Variants in OSBPL1A observed in about 807,000 individuals in gnomAD.
The protein encoded by OSBPL1A is oxysterol-binding protein-related protein 1.
Under a neutral mutation model 137.1 loss-of-function variants are expected in OSBPL1A, and 80 were observed. That is an observed-to-expected ratio of 0.58 (90% confidence interval 0.49 to 0.70). OSBPL1A has a LOEUF of 0.70. Among genes scored for constraint, OSBPL1A ranks in the 30% least tolerant of loss-of-function variants. OSBPL1A has a pLI of 0.00. For synonymous variants in OSBPL1A, 365 were observed against 389.7 expected (o/e 0.94, Z 0.75); for missense variants, 970 against 1,129.4 (o/e 0.86, Z 2.02).
chr18:24,182,724 G>A (rs1214286052), intron 18 of OSBPL1A, among the ~76,000 whole-genome samples: 2 of 152,098 alleles, frequency 1.3e-5, no homozygotes, highest in African/African-American at 4.8e-5. Context: ...AGGGAAAACA[G>A]GAATGTATAT....
intron 4 of OSBPL1A, among the ~76,000 whole-genome samples, chr18:24,346,653 G>T (rs1030345805): frequency 6.6e-6 from 1 of 152,124 alleles, no homozygotes; most frequent in African/African-American, 2.4e-5. Context: ...TCATTCTCTT[G>T]ATTTCTGAAT....
chr18:24,385,801 C>G (rs1906928390), intron 1 of OSBPL1A, among the ~76,000 whole-genome samples: 1 of 152,158 alleles, frequency 6.6e-6, no homozygotes, highest in African/African-American at 2.4e-5. Context: ...GCACCAGACT[C>G]CTTTAAAGCA....
At chr18:24,217,520 G>T (rs534405160) in intron 17 of OSBPL1A, among the ~76,000 whole-genome samples, 1 of 152,262 alleles carries the variant, frequency 6.6e-6, no homozygotes, top group East Asian at 1.9e-4. Context: ...GCCTCCCAAA[G>T]TGCTGGGATT....
intron 17 of OSBPL1A, among the ~76,000 whole-genome samples, chr18:24,217,823 G>C (rs989838229): frequency 6.6e-6 from 1 of 152,120 alleles, no homozygotes; most frequent in East Asian, 1.9e-4. Context: ...CCTATGGTTT[G>C]TGTACCTATG....
intron 7 of OSBPL1A, 85 bp downstream of exon 7, chr18:24,332,857 T>A: frequency 6.7e-7 from 1 of 1,488,014 alleles, no homozygotes; most frequent in Non-Finnish European, 9.2e-7. Context: ...AAAGGCTGGA[T>A]ACTGAAACAA....
intron 15 of OSBPL1A, among the ~76,000 whole-genome samples, chr18:24,242,336 TAAAA>T (rs573041454): frequency 7.0e-6 from 1 of 142,750 alleles, no homozygotes; most frequent in Non-Finnish European, 1.5e-5. Flanking sequence ...GTTAGGGGGT[TAAAA>T]AAAAAAAAGA....
intron 4 of OSBPL1A, among the ~76,000 whole-genome samples, chr18:24,344,473 AT>A (rs1050300977): frequency 2.0e-5 from 3 of 152,198 alleles, no homozygotes; most frequent in African/African-American, 7.2e-5. Flanking sequence ...ATAAAATAAA[AT>A]AAGAAGTCTA....
At chr18:24,336,407 C>T (rs2091174454) in intron 5 of OSBPL1A, among the ~76,000 whole-genome samples, 1 of 151,894 alleles carries the variant, frequency 6.6e-6, no homozygotes, top group South Asian at 2.1e-4. Flanking sequence ...TTTCAGGACA[C>T]TGAAATAAAA....
intron 20 of OSBPL1A, among the ~76,000 whole-genome samples, chr18:24,179,530 A>C (rs539382841): frequency 6.6e-6 from 1 of 152,240 alleles, no homozygotes; most frequent in African/African-American, 2.4e-5. Flanking sequence ...GAATACAAAA[A>C]TCTTTGCAAT....
At chr18:24,176,486 T>G (rs1685227) in intron 21 of OSBPL1A, among the ~76,000 whole-genome samples, 76,307 of 151,080 alleles carry the variant, frequency 0.51, 21,727 homozygotes, top group Non-Finnish European at 0.65. Context: ...TTTTTTTTTT[T>G]GGCTAAAATG....
chr18:24,178,245 T>A, intron 20 of OSBPL1A, 50 bp from the exon 21 acceptor site: 2 of 1,413,316 alleles, frequency 1.4e-6, no homozygotes, highest in Non-Finnish European at 1.9e-6. Context: ...ACATTATAAT[T>A]AACTCTATCA....
At chr18:24,203,422 T>C (rs766520983) in intron 17 of OSBPL1A, among the ~76,000 whole-genome samples, 5 of 152,208 alleles carry the variant, frequency 3.3e-5, no homozygotes, top group Non-Finnish European at 7.3e-5. Context: ...TATACAGGTA[T>C]GTGCATTTTT....
intron 17 of OSBPL1A, among the ~76,000 whole-genome samples, chr18:24,199,994 T>C (rs996503918): frequency 1.3e-5 from 2 of 152,244 alleles, no homozygotes; most frequent in African/African-American, 2.4e-5. Flanking sequence ...TCAAATTCTG[T>C]AGTAGCCACA....
chr18:24,220,645 A>G (rs114630545), intron 17 of OSBPL1A, among the ~76,000 whole-genome samples: 1,947 of 152,202 alleles, frequency 0.013, 33 homozygotes, highest in African/African-American at 0.044. Context: ...TGGTCACTAC[A>G]TGATGAGGAA....
chr18:24,205,609 G>A (rs1009124539), intron 17 of OSBPL1A, among the ~76,000 whole-genome samples: 1 of 152,116 alleles, frequency 6.6e-6, no homozygotes, highest in African/African-American at 2.4e-5. Context: ...TCAACATGAA[G>A]TAGAGATTGA....
intron 11 of OSBPL1A, among the ~76,000 whole-genome samples, chr18:24,316,071 A>G (rs2090730093): frequency 6.6e-6 from 1 of 150,874 alleles, no homozygotes; most frequent in African/African-American, 2.4e-5. Flanking sequence ...GACCAGCCTA[A>G]CCAACATGGC....
chr18:24,318,023 C>T (rs2146121233), intron 9 of OSBPL1A, among the ~76,000 whole-genome samples: 1 of 152,122 alleles, frequency 6.6e-6, no homozygotes, highest in East Asian at 1.9e-4. Flanking sequence ...ATTTTCCCCC[C>T]ACTCCTTTTC....
At chr18:24,280,405 A>C (rs1233384435) in intron 15 of OSBPL1A, among the ~76,000 whole-genome samples, 2 of 152,232 alleles carry the variant, frequency 1.3e-5, no homozygotes, top group Non-Finnish European at 2.9e-5. Flanking sequence ...AGAAAAGCAA[A>C]TGGCAAACTG....
chr18:24,354,764 AAAAAAAAAAG>A (rs1248557973), intron 4 of OSBPL1A, among the ~76,000 whole-genome samples: 24 of 151,334 alleles, frequency 1.6e-4, no homozygotes, highest in African/African-American at 4.1e-4. Context: ...AAAAAAAAAA[AAAAAAAAAAG>A]AAAGAAAGAA....
Sources: gnomAD v4.1 joint callset for allele counts (sites outside exome capture counted in the v4.1 genomes callset) on GRCh38, gnomAD v4.1.1 for gene constraint, MANE v1.5 for transcripts, NCBI Gene and HGNC (gene_info 2026-07-23, HGNC 2026-07-21) for gene names.